THSD7A: variants seen among roughly 807,000 people sequenced by gnomAD.
THSD7A encodes thrombospondin type-1 domain-containing protein 7A.
In THSD7A, 96 loss-of-function variants were observed where a neutral mutation model predicts 231.3. That is an observed-to-expected ratio of 0.41 (90% CI 0.35 to 0.49). The LOEUF (loss-of-function observed/expected upper bound fraction) is 0.49, where lower values mean the gene tolerates loss of function less well. Among genes scored for constraint, THSD7A ranks in the 20% least tolerant of loss-of-function variants. The pLI, the probability that THSD7A is intolerant of heterozygous loss-of-function variation, is 0.05. For synonymous variants in THSD7A, 940 were observed against 743.3 expected, an observed-to-expected ratio of 1.26 and a Z score of -4.30; for missense variants, 2,290 against 2,070.2, an observed-to-expected ratio of 1.11 and a Z score of -2.06.
intron 1 of THSD7A, among the ~76,000 whole-genome samples, chr7:11,703,232 A>AT (rs979047416): frequency 3.3e-5 from 5 of 151,006 alleles, no homozygotes; most frequent in African/African-American, 7.3e-5. Context: ...GCTAGAAAAT[A>AT]TTTTTTTTCC....
At chr7:11,427,289 A>G (rs1784350194) in intron 14 of THSD7A, among the ~76,000 whole-genome samples, 1 of 152,208 alleles carries the variant, frequency 6.6e-6, no homozygotes, top group African/African-American at 2.4e-5. Flanking sequence ...ACACAAATTC[A>G]TAGAAGTTTC....
chr7:11,593,588 G>A (rs1308805214), intron 2 of THSD7A, 86 bp from the exon 3 acceptor site: 7 of 1,497,934 alleles, frequency 4.7e-6, no homozygotes, highest in Non-Finnish European at 5.4e-6. Context: ...ATCAGCTTGG[G>A]CATTTTTATT....
chr7:11,449,069 T>C (rs911444200), intron 11 of THSD7A, among the ~76,000 whole-genome samples: 6 of 152,098 alleles, frequency 3.9e-5, no homozygotes, highest in African/African-American at 1.4e-4. Context: ...GTGGTTCTCA[T>C]GTCTGGCTGC....
rs151156078 is a variant in THSD7A at position 11,649,491 on chromosome 7, C to T, written c.191-12530G>A. On this transcript the variant is annotated intron_variant, in intron 1 of 27. Transcript: ENST00000423059. ...TATGGTGGCTGGAATAGGTATGTTG[C>T]CATACCCAAAAATCTAAAACATGGG... is the stretch of plus-strand genomic sequence containing the variant. Among the ~76,000 whole-genome samples the T allele has an allele frequency of 6.9e-3, 1,053 of 152,030 alleles. 11 individuals are homozygous for T. Among genetic ancestry groups the T allele is most frequent in the African/African-American group, 0.024 (991 of 41,488 alleles).
At chr7:11,785,404 G>C (rs1400356676) in intron 1 of THSD7A, among the ~76,000 whole-genome samples, 2 of 151,926 alleles carry the variant, frequency 1.3e-5, no homozygotes, top group African/African-American at 4.8e-5. Context: ...TTTTACTGTT[G>C]ATCCTTCAAA....
chr7:11,426,608 C>A (rs970252070), intron 15 of THSD7A, 58 bp downstream of exon 15: 34 of 1,483,070 alleles, frequency 2.3e-5, no homozygotes, highest in Non-Finnish European at 2.0e-5. Flanking sequence ...TCTCAGAAAT[C>A]AGGAAATTTA....
At chr7:11,619,939 G>T (rs1364627391) in intron 2 of THSD7A, among the ~76,000 whole-genome samples, 1 of 152,014 alleles carries the variant, frequency 6.6e-6, no homozygotes, top group African/African-American at 2.4e-5. Flanking sequence ...TCTATAAGGT[G>T]CTGTTCATCT....
At chr7:11,504,687 T>C (rs1019091482) in intron 6 of THSD7A, among the ~76,000 whole-genome samples, 7 of 152,158 alleles carry the variant, frequency 4.6e-5, no homozygotes, top group African/African-American at 1.7e-4. Flanking sequence ...AACATTCATC[T>C]TGGGCCAAAT....
chr7:11,390,113 G>GTATC (rs1003471455), intron 23 of THSD7A, among the ~76,000 whole-genome samples: 19 of 152,178 alleles, frequency 1.2e-4, no homozygotes, highest in African/African-American at 4.6e-4. Context: ...TTCTCAAGGA[G>GTATC]TATCTTTGTG....
At chr7:11,458,237 G>GAA (rs746903677) in intron 11 of THSD7A, among the ~76,000 whole-genome samples, 2 of 152,018 alleles carry the variant, frequency 1.3e-5, no homozygotes, top group South Asian at 2.1e-4. Flanking sequence ...GGATAAAGAT[G>GAA]AAAATAGCAA....
intron 1 of THSD7A, among the ~76,000 whole-genome samples, chr7:11,660,223 G>C (rs976638813): frequency 6.6e-6 from 1 of 151,410 alleles, no homozygotes; most frequent in Non-Finnish European, 1.5e-5. Flanking sequence ...CTAAGCACTG[G>C]ATATTCTCTG....
At chr7:11,504,933 A>T (rs1269349380) in intron 6 of THSD7A, among the ~76,000 whole-genome samples, 2 of 152,120 alleles carry the variant, frequency 1.3e-5, no homozygotes, top group East Asian at 3.9e-4. Flanking sequence ...AAACAATCCA[A>T]AACACTTTAA....
intron 4 of THSD7A, among the ~76,000 whole-genome samples, chr7:11,574,240 A>ATTTAT (rs749988641): frequency 2.3e-5 from 3 of 128,144 alleles, no homozygotes; most frequent in Non-Finnish European, 5.1e-5. Flanking sequence ...ATATTTTCTT[A>ATTTAT]TTTATTTTTT....
intron 8 of THSD7A, among the ~76,000 whole-genome samples, chr7:11,471,198 G>C (rs1172559044): frequency 4.0e-5 from 6 of 151,868 alleles, no homozygotes; most frequent in African/African-American, 1.4e-4. Context: ...ATTCTCTTTT[G>C]AAGTCATATA....
At chr7:11,402,721 A>G (rs1783448630) in intron 22 of THSD7A, among the ~76,000 whole-genome samples, 1 of 152,156 alleles carries the variant, frequency 6.6e-6, no homozygotes, top group African/African-American at 2.4e-5. Flanking sequence ...ATGAAATCAT[A>G]CCATATGTAC....
intron 1 of THSD7A, among the ~76,000 whole-genome samples, chr7:11,787,517 G>T (rs969646605): frequency 1.3e-5 from 2 of 151,990 alleles, no homozygotes; most frequent in African/African-American, 4.8e-5. Flanking sequence ...ACTGATAAAT[G>T]ACTGTTATCC....
intron 24 of THSD7A, among the ~76,000 whole-genome samples, chr7:11,382,306 C>G (rs918079503): frequency 2.6e-5 from 4 of 151,918 alleles, no homozygotes; most frequent in African/African-American, 9.7e-5. Flanking sequence ...GCAGCAATAC[C>G]TAAAAAGGCT....
chr7:11,517,793 GC>G (rs1788095124), intron 6 of THSD7A, among the ~76,000 whole-genome samples: 2 of 152,302 alleles, frequency 1.3e-5, no homozygotes, highest in South Asian at 2.1e-4. Context: ...ATCTCTATAT[GC>G]TAATTTGCAT....
Position 11,727,888 on chromosome 7 carries a change from G to A in THSD7A, c.191-90927C>T, listed in dbSNP as rs1052090514. On this transcript the variant is annotated intron_variant, in intron 1 of 27. Coordinates refer to ENST00000423059, the MANE Select transcript of THSD7A (RefSeq NM_015204.3). ...TTAGTTATCGGTATCTCATTCTTTG[G>A]TCCTTAAAATAAACTTGATGTTTAT... is the stretch of plus-strand genomic sequence containing the variant. Among the ~76,000 whole-genome samples the A allele has an allele frequency of 2.0e-5, 3 of 151,748 alleles. No individual in the cohort carries two copies. In the East Asian group the frequency reaches 5.9e-4, roughly 30 times the overall value.
Sources: allele counts gnomAD v4.1 joint callset (sites outside exome capture counted in the v4.1 genomes callset), GRCh38; gene constraint gnomAD v4.1.1; transcripts MANE v1.5; gene names NCBI Gene and HGNC (gene_info 2026-07-23, HGNC 2026-07-21).